The following RTN4 variants were observed in gnomAD, a reference collection of about 807,000 sequenced individuals.
The protein encoded by RTN4 is reticulon-4.
A neutral mutation model predicts 90.4 loss-of-function variants in RTN4; 32 were observed. The observed-to-expected ratio is 0.35, with a 90% CI of 0.27 to 0.48. The LOEUF (loss-of-function observed/expected upper bound fraction) is 0.48, where lower values mean the gene tolerates loss of function less well. Among genes scored for constraint, RTN4 ranks in the 20% least tolerant of loss-of-function variants. The pLI, the probability that RTN4 is intolerant of heterozygous loss-of-function variation, is 0.99. For synonymous variants in RTN4, 629 were observed against 552.5 expected, an observed-to-expected ratio of 1.14 and a Z score of -1.94; for missense variants, 1,706 against 1,430.2, an observed-to-expected ratio of 1.19 and a Z score of -3.11.
chr2:55,070,864 T>C (rs907757987), intron 2 of RTN4, among the ~76,000 whole-genome samples: 16 of 151,668 alleles, frequency 1.1e-4, no homozygotes, highest in Non-Finnish European at 1.9e-4. Flanking sequence ...GCAAGCTCTG[T>C]CTCCCGGGTT....
chr2:55,091,087 GT>G (rs761349139), intron 1 of RTN4, among the ~76,000 whole-genome samples: 5 of 152,184 alleles, frequency 3.3e-5, no homozygotes, highest in Non-Finnish European at 7.3e-5. Context: ...TCCCTAACCA[GT>G]TGCCCTGTCT....
chr2:55,086,011 G>C (rs529148528), intron 1 of RTN4, among the ~76,000 whole-genome samples: 2 of 152,332 alleles, frequency 1.3e-5, no homozygotes, highest in South Asian at 2.1e-4. Flanking sequence ...ATAGGTGATA[G>C]AGCCAACAAG....
At chr2:55,035,252 C>G (rs992482445) in intron 1 of RTN4, among the ~76,000 whole-genome samples, 1 of 152,010 alleles carries the variant, frequency 6.6e-6, no homozygotes, top group African/African-American at 2.4e-5. Context: ...GAACATTCAC[C>G]AAGATAAAAC....
At chr2:55,078,733 T>C (rs1363366514) in intron 2 of RTN4, among the ~76,000 whole-genome samples, 1 of 152,222 alleles carries the variant, frequency 6.6e-6, no homozygotes, top group African/African-American at 2.4e-5. Context: ...TTACGTGCTT[T>C]AAAAGCGGGG....
intron 1 of RTN4, among the ~76,000 whole-genome samples, chr2:55,105,417 A>G (rs1418587791): frequency 6.6e-6 from 1 of 151,388 alleles, no homozygotes; most frequent in Admixed American, 6.6e-5. Context: ...TTTAGTAGAG[A>G]TGGGTTTTCG....
At chr2:55,048,904 A>G (rs912439126) in intron 1 of RTN4, among the ~76,000 whole-genome samples, 22 of 152,096 alleles carry the variant, frequency 1.4e-4, no homozygotes, top group Non-Finnish European at 2.2e-4. Flanking sequence ...ATGATGCACT[A>G]AGAGGCTGGG....
intron 3 of RTN4, 21 bp from the exon 4 acceptor site, chr2:54,987,719 C>G (rs1325929250): frequency 6.4e-7 from 1 of 1,563,460 alleles, no homozygotes; most frequent in African/African-American, 1.4e-5. Context: ...AAAAAGAAAT[C>G]TGAAATTAGA....
At chr2:55,046,838 T>C (rs141141276) in intron 1 of RTN4, 2 of 152,318 alleles carry the variant, frequency 1.3e-5, no homozygotes, top group East Asian at 1.9e-4. Flanking sequence ...AGTTTCCCAA[T>C]AGGTATCATC....
chr2:55,011,339 G>T (rs1404875657), intron 3 of RTN4, among the ~76,000 whole-genome samples: 1 of 152,016 alleles, frequency 6.6e-6, no homozygotes, highest in African/African-American at 2.4e-5. Flanking sequence ...AAATTTTACT[G>T]AAAAATATAA....
intron 1 of RTN4, among the ~76,000 whole-genome samples, chr2:55,034,547 G>T (rs940854265): frequency 2.6e-5 from 4 of 152,058 alleles, no homozygotes; most frequent in African/African-American, 7.2e-5. Flanking sequence ...ATTAATAAAG[G>T]TATCTTCAGA....
chr2:55,029,032 G>A (rs757969623), intron 1 of RTN4, among the ~76,000 whole-genome samples: 1 of 152,126 alleles, frequency 6.6e-6, no homozygotes, highest in East Asian at 1.9e-4. Flanking sequence ...GGGACTTTGG[G>A]AGGTGATTAG....
intron 1 of RTN4, among the ~76,000 whole-genome samples, chr2:55,028,594 C>A (rs1018965170): frequency 6.6e-6 from 1 of 152,094 alleles, no homozygotes; most frequent in Admixed American, 6.5e-5. Flanking sequence ...AGGCCAAAAA[C>A]AAAAAGCTGA....
At position 55,026,963 on chromosome 2, in the gene RTN4, G is replaced by T; in HGVS notation, c.1136C>A (p.Pro379His). Residue 379 changes from proline to histidine, a missense_variant, in exon 3 of 9, where the codon CCT becomes CAT. Physicochemically the swap from Pro to His is moderately conservative, Grantham distance 77. Coordinates refer to ENST00000337526, the MANE Select transcript of RTN4 (RefSeq NM_020532.5). ...FNEKRVAVEA[P>H]MREEYADFKP... ...GAAGTCTGCATATTCCTCCCTCATA[G>T]GAGCTTCCACTGCAACTCTCTTTTC... 6.2e-7 allele frequency: 1 copy of T among 1,613,322 alleles called. No individual in the cohort carries two copies. Among genetic ancestry groups the T allele is most frequent in the Non-Finnish European group, 8.5e-7 (1 of 1,179,866 alleles).
intron 2 of RTN4, among the ~76,000 whole-genome samples, chr2:55,067,656 T>G (rs1668419118): frequency 6.6e-6 from 1 of 152,118 alleles, no homozygotes; most frequent in African/African-American, 2.4e-5. Flanking sequence ...CTCAAGTGAT[T>G]AGCCTGTCTT....
At chr2:55,063,079 G>A (rs1485674986) in intron 2 of RTN4, among the ~76,000 whole-genome samples, 2 of 152,138 alleles carry the variant, frequency 1.3e-5, no homozygotes, top group Middle Eastern at 6.3e-3. Flanking sequence ...TGATCTACCT[G>A]CCTCTAAACT....
rs189563930 is a variant in RTN4, at chr2:55,108,696, A to C, written c.-214+3824T>G. Among the ~76,000 whole-genome samples, 4 of 152,252 alleles carry C rather than the reference A, an allele frequency of 2.6e-5. No individual in the cohort carries two copies. The East Asian group carries it at 7.7e-4, about 29-fold the overall frequency. ...CCTCTCTTATTACTTTGATTCCCATAAAGAAATAAATATTTAGGTTGGCAC... is the reference window on the plus strand; with the variant it reads ...CCTCTCTTATTACTTTGATTCCCATCAAGAAATAAATATTTAGGTTGGCAC... On this transcript the variant is annotated intron_variant, in intron 1 of 3. Coordinates refer to the RTN4 transcript ENST00000427710.
intron 1 of RTN4, among the ~76,000 whole-genome samples, chr2:55,099,434 C>T (rs1280441776): frequency 6.6e-6 from 1 of 152,048 alleles, no homozygotes; most frequent in Non-Finnish European, 1.5e-5. Context: ...ACCCTGTAGT[C>T]CTCAATAGCT....
chr2:55,099,431 A>G (rs1667811934), intron 1 of RTN4, among the ~76,000 whole-genome samples: 1 of 152,098 alleles, frequency 6.6e-6, no homozygotes, highest in South Asian at 2.1e-4. Flanking sequence ...ATGACCCTGT[A>G]GTCCTCAATA....
At chr2:55,057,796 C>A (rs1204976706) in intron 2 of RTN4, among the ~76,000 whole-genome samples, 1 of 152,074 alleles carries the variant, frequency 6.6e-6, no homozygotes, top group Admixed American at 6.5e-5. Flanking sequence ...ACAGCCTGGG[C>A]AACATAGCAA....
Sources: allele counts gnomAD v4.1 joint callset (sites outside exome capture counted in the v4.1 genomes callset), GRCh38; gene constraint gnomAD v4.1.1; transcripts MANE v1.5; gene names NCBI Gene and HGNC (gene_info 2026-07-23, HGNC 2026-07-21).